The following CELF2 variants were observed in gnomAD, a reference collection of about 807,000 sequenced individuals.
CELF2 encodes the protein CUGBP Elav-like family member 2.
Under a neutral mutation model 62.6 loss-of-function variants are expected in CELF2, and 8 were observed. The ratio of observed to expected loss-of-function variants is 0.13; its 90% CI spans 0.07 to 0.23. CELF2 has a LOEUF of 0.23. CELF2 is among the 10% of genes least tolerant of loss of function. The pLI, the probability that CELF2 is intolerant of heterozygous loss-of-function variation, is 1.00. For synonymous variants in CELF2, 258 were observed against 250.0 expected (o/e 1.03, Z -0.30); for missense variants, 333 against 671.0 (o/e 0.50, Z 5.56).
At chr10:11,032,703 G>T (rs1473494457) in intron 1 of CELF2, among the ~76,000 whole-genome samples, 2 of 145,364 alleles carry the variant, frequency 1.4e-5, no homozygotes, top group African/African-American at 2.5e-5. Context: ...AAAAATTATT[G>T]TGATGGCTTT....
the CELF2 span, among the ~76,000 whole-genome samples, chr10:10,612,130 T>G: frequency 6.6e-6 from 1 of 152,192 alleles, no homozygotes; most frequent in South Asian, 2.1e-4. Context: ...AGTATGACAG[T>G]GGCTTTTATC....
At position 11,206,939 on chromosome 10, in the gene CELF2, G is replaced by A. The variant is rs567085718; in HGVS notation, c.272-10486G>A. ...TGCTCAGAGCAGGGTGGGAGAGTTC[G>A]TGAAACAGCTGAACACGATGATTGT... On this transcript the variant is annotated intron_variant, in intron 2 of 12. Coordinates refer to ENST00000633077, the MANE Select transcript of CELF2 (RefSeq NM_001326342.2). 7.2e-5 allele frequency among the ~76,000 whole-genome samples: 11 copies of A among 152,280 alleles called. No individual in the cohort carries two copies. In the South Asian group the frequency reaches 1.2e-3, roughly 17 times the overall value.
chr10:11,329,066 A>T lies in CELF2; in HGVS notation c.*13A>T. ...CAAACCTTACTGATCCTAACCCCAG[A>T]GGCTCCCTGCTCTCATTTTAGCTTT... is the stretch of plus-strand genomic sequence containing the variant. On this transcript the variant is annotated 3_prime_UTR_variant, in exon 13 of 13. Coordinates refer to ENST00000633077, the MANE Select transcript of CELF2 (RefSeq NM_001326342.2). The surrounding 1 kb of genome is among the most constrained non-coding windows in gnomAD (Gnocchi z 5.5). 6.2e-7 allele frequency: 1 copy of T among 1,605,778 alleles called. No homozygotes were observed. The highest frequency in any genetic ancestry group is 8.5e-7 in the Non-Finnish European group (1 of 1,173,856).
the CELF2 span, among the ~76,000 whole-genome samples, chr10:10,549,494 G>A: frequency 2.6e-5 from 4 of 152,218 alleles, no homozygotes; most frequent in African/African-American, 9.6e-5. Flanking sequence ...ATGTTGGCCA[G>A]GCTGGTCTCG....
chr10:10,658,074 TA>T, the CELF2 span, among the ~76,000 whole-genome samples: 1 of 152,198 alleles, frequency 6.6e-6, no homozygotes, highest in African/African-American at 2.4e-5. Flanking sequence ...ACTTGGCCCA[TA>T]AAACGTCAAA....
chr10:10,610,220 A>G, the CELF2 span, among the ~76,000 whole-genome samples: 5,048 of 152,264 alleles, frequency 0.033, 256 homozygotes, highest in African/African-American at 0.11. Context: ...ATATGCTACC[A>G]GCTTGATTGA....
At chr10:11,238,608 T>C (rs748160421) in intron 3 of CELF2, among the ~76,000 whole-genome samples, 2 of 152,358 alleles carry the variant, frequency 1.3e-5, no homozygotes, top group African/African-American at 2.4e-5. Flanking sequence ...CACAATAACA[T>C]TGCTAAACAC....
At chr10:11,291,270 AT>A in intron 9 of CELF2, among the ~76,000 whole-genome samples, 1 of 152,138 alleles carries the variant, frequency 6.6e-6, no homozygotes, top group Non-Finnish European at 1.5e-5. Flanking sequence ...CAAACTGTTA[AT>A]TTTTTTAATA....
At chr10:10,598,846 CGG>C in the CELF2 span, among the ~76,000 whole-genome samples, 1 of 148,012 alleles carries the variant, frequency 6.8e-6, no homozygotes, top group African/African-American at 2.5e-5. Flanking sequence ...CTCCGCCTCC[CGG>C]GTTAAAGCAA....
intron 2 of CELF2, among the ~76,000 whole-genome samples, chr10:11,184,268 T>C (rs1247414557): frequency 1.3e-5 from 2 of 152,238 alleles, no homozygotes; most frequent in African/African-American, 4.8e-5. Context: ...TGTCTGTCTT[T>C]GCATCAGTAT....
At chr10:11,181,988 T>G (rs1412849561) in intron 2 of CELF2, among the ~76,000 whole-genome samples, 1 of 152,214 alleles carries the variant, frequency 6.6e-6, no homozygotes. Context: ...AAATATTGTT[T>G]CAGCTGAAGC....
chr10:10,502,776 C>T, the CELF2 span, among the ~76,000 whole-genome samples: 1 of 151,612 alleles, frequency 6.6e-6, no homozygotes, highest in African/African-American at 2.4e-5. Context: ...TTTCCTTTTG[C>T]TTGCTTTGAT....
At chr10:10,787,130 T>G in the CELF2 span, among the ~76,000 whole-genome samples, 2 of 152,150 alleles carry the variant, frequency 1.3e-5, no homozygotes, top group Non-Finnish European at 2.9e-5. Context: ...GCATTTGTAA[T>G]TATAAAGTGA....
intron 1 of CELF2, among the ~76,000 whole-genome samples, chr10:11,141,657 C>G (rs1240797836): frequency 6.6e-6 from 1 of 152,222 alleles, no homozygotes; most frequent in East Asian, 1.9e-4. Context: ...TCACTGTTGA[C>G]TTTGAAGTGC....
intron 1 of CELF2, among the ~76,000 whole-genome samples, chr10:11,043,256 G>A (rs975116747): frequency 1.3e-5 from 2 of 152,168 alleles, no homozygotes; most frequent in African/African-American, 2.4e-5. Context: ...AAGCCCGGAG[G>A]GTATTAGGCA....
intron 3 of CELF2, among the ~76,000 whole-genome samples, chr10:11,236,792 A>C (rs2136660705): frequency 6.6e-6 from 1 of 152,344 alleles, no homozygotes; most frequent in East Asian, 1.9e-4. Flanking sequence ...TAGATTGGCA[A>C]AGGAAATACG....
intron 1 of CELF2, among the ~76,000 whole-genome samples, chr10:10,818,546 CT>C (rs3028992): frequency 0.56 from 65,526 of 116,474 alleles, 17,644 homozygotes; most frequent in African/African-American, 0.64. Flanking sequence ...TAAATATTTC[CT>C]TTTTTTTTTT....
chr10:10,963,658 A>G (rs1340710935), intron 2 of CELF2, among the ~76,000 whole-genome samples: 1 of 152,168 alleles, frequency 6.6e-6, no homozygotes, highest in African/African-American at 2.4e-5. Context: ...CATATATTTG[A>G]TATATATAAA....
At chr10:10,562,119 AGAG>A in the CELF2 span, among the ~76,000 whole-genome samples, 1 of 152,278 alleles carries the variant, frequency 6.6e-6, no homozygotes, top group South Asian at 2.1e-4. Context: ...CCCCCAGTGG[AGAG>A]GTTATTAGGA....
Sources: gnomAD v4.1 joint callset for allele counts (sites outside exome capture counted in the v4.1 genomes callset) on GRCh38, gnomAD v4.1.1 for gene constraint, Gnocchi (gnomAD v3.1) non-coding constraint, MANE v1.5 for transcripts, NCBI Gene and HGNC (gene_info 2026-07-23, HGNC 2026-07-21) for gene names.